The following LHFPL6 variants were observed in gnomAD, a reference collection of about 807,000 sequenced individuals.
LHFPL6 encodes the protein LHFPL tetraspan subfamily member 6 protein.
In LHFPL6, 9 loss-of-function variants were observed where a neutral mutation model predicts 20.6. The ratio of observed to expected loss-of-function variants is 0.44; its 90% CI spans 0.26 to 0.76. LHFPL6 has a LOEUF of 0.76. LHFPL6 is among the 30% of genes least tolerant of loss of function. The pLI is 0.20. For missense variants in LHFPL6, 218 were observed against 253.5 expected, an observed-to-expected ratio of 0.86 and a Z score of 0.95; for synonymous variants, 105 against 98.7, an observed-to-expected ratio of 1.06 and a Z score of -0.38.
intron 2 of LHFPL6, among the ~76,000 whole-genome samples, chr13:39,454,996 A>C (rs1163765837): frequency 3.3e-5 from 5 of 152,140 alleles, no homozygotes; most frequent in Non-Finnish European, 7.3e-5. Flanking sequence ...TCTGTCAATA[A>C]AAGTCAAGTG....
intron 2 of LHFPL6, among the ~76,000 whole-genome samples, chr13:39,562,667 T>TAC (rs1210574178): frequency 7.6e-6 from 1 of 131,512 alleles, no homozygotes. Context: ...TACACATATA[T>TAC]ACACACATAT....
chr13:39,583,470 C>A (rs1026957241), intron 2 of LHFPL6, among the ~76,000 whole-genome samples: 1 of 152,126 alleles, frequency 6.6e-6, no homozygotes, highest in Non-Finnish European at 1.5e-5. Flanking sequence ...CTACCACATA[C>A]GGCTGGGTGC....
chr13:39,434,708 A>C (rs990478637), intron 2 of LHFPL6, among the ~76,000 whole-genome samples: 4 of 152,082 alleles, frequency 2.6e-5, no homozygotes, highest in Non-Finnish European at 5.9e-5. Context: ...TGTAGACTTC[A>C]CCTCCACGCT....
intron 2 of LHFPL6, among the ~76,000 whole-genome samples, chr13:39,418,382 CTTT>C (rs71077297): frequency 1.5e-5 from 2 of 129,738 alleles, no homozygotes; most frequent in Non-Finnish European, 1.6e-5. Flanking sequence ...TTTTTTTGGT[CTTT>C]TTTTTTTTTT....
chr13:39,467,744 G>A (rs1872840831), intron 2 of LHFPL6, among the ~76,000 whole-genome samples: 1 of 152,176 alleles, frequency 6.6e-6, no homozygotes, highest in Non-Finnish European at 1.5e-5. Flanking sequence ...TCTGTTTAAT[G>A]CACAAAAAGA....
intron 2 of LHFPL6, among the ~76,000 whole-genome samples, chr13:39,549,144 G>T (rs1379201463): frequency 6.6e-6 from 1 of 152,004 alleles, no homozygotes; most frequent in African/African-American, 2.4e-5. Context: ...ATGGCAAACA[G>T]GCATATGAAA....
intron 2 of LHFPL6, among the ~76,000 whole-genome samples, chr13:39,448,057 A>G (rs1442743922): frequency 2.0e-5 from 3 of 152,216 alleles, no homozygotes; most frequent in African/African-American, 4.8e-5. Context: ...TCACACATTC[A>G]GAACTGTGGG....
intron 2 of LHFPL6, among the ~76,000 whole-genome samples, chr13:39,472,490 C>A (rs760308344): frequency 3.3e-5 from 5 of 152,172 alleles, no homozygotes; most frequent in Non-Finnish European, 5.9e-5. Context: ...TGATGAACAA[C>A]ATACAGCTTC....
chr13:39,545,560 T>A (rs1213011107), intron 2 of LHFPL6, among the ~76,000 whole-genome samples: 1 of 152,046 alleles, frequency 6.6e-6, no homozygotes, highest in Admixed American at 6.5e-5. Flanking sequence ...ATAATAGTAG[T>A]ACAGTCATCC....
chr13:39,400,355 A>G (rs1870953358), intron 2 of LHFPL6, among the ~76,000 whole-genome samples: 1 of 152,188 alleles, frequency 6.6e-6, no homozygotes, highest in African/African-American at 2.4e-5. Flanking sequence ...CCCATTTTCC[A>G]TGTTCAATAG....
chr13:39,352,876 T>TAA, intron 3 of LHFPL6, among the ~76,000 whole-genome samples: 1 of 56,164 alleles, frequency 1.8e-5, no homozygotes, highest in South Asian at 8.7e-4. Flanking sequence ...TATATATATA[T>TAA]ATAAATGTAT....
intron 2 of LHFPL6, among the ~76,000 whole-genome samples, chr13:39,522,007 C>T (rs1391166376): frequency 6.6e-6 from 1 of 152,160 alleles, no homozygotes; most frequent in Non-Finnish European, 1.5e-5. Flanking sequence ...TCACTACAAC[C>T]CTTGCCTCAC....
At chr13:39,441,272 C>T (rs564847268) in intron 2 of LHFPL6, among the ~76,000 whole-genome samples, 66 of 150,912 alleles carry the variant, frequency 4.4e-4, no homozygotes, top group African/African-American at 1.3e-3. Context: ...AGGTGTGAGC[C>T]GCTGCACCTG....
intron 2 of LHFPL6, among the ~76,000 whole-genome samples, chr13:39,596,189 T>C (rs546151043): frequency 6.6e-6 from 1 of 152,270 alleles, no homozygotes; most frequent in East Asian, 1.9e-4. Flanking sequence ...AGACAATTTG[T>C]TGTGACAAGA....
chr13:39,425,304 T>A (rs1285789653), intron 2 of LHFPL6, among the ~76,000 whole-genome samples: 5 of 152,256 alleles, frequency 3.3e-5, no homozygotes, highest in Non-Finnish European at 2.9e-5. Flanking sequence ...AATTTGCTTA[T>A]CCATTCACCT....
At chr13:39,425,356 A>C (rs963643656) in intron 2 of LHFPL6, among the ~76,000 whole-genome samples, 4 of 152,196 alleles carry the variant, frequency 2.6e-5, no homozygotes, top group African/African-American at 9.7e-5. Context: ...GACTATTGCA[A>C]ACAAAGCTGC....
chr13:39,567,248 A>G (rs899568433), intron 2 of LHFPL6, among the ~76,000 whole-genome samples: 1 of 152,206 alleles, frequency 6.6e-6, no homozygotes, highest in Non-Finnish European at 1.5e-5. Context: ...CATTTTCAAA[A>G]TTTCTTATAA....
At chr13:39,495,250 G>T (rs1291632019) in intron 2 of LHFPL6, among the ~76,000 whole-genome samples, 1 of 152,282 alleles carries the variant, frequency 6.6e-6, no homozygotes, top group East Asian at 1.9e-4. Flanking sequence ...TCAAATTAAT[G>T]AATCTATTCA....
chr13:39,533,892 G>A (rs2138497363), intron 2 of LHFPL6, among the ~76,000 whole-genome samples: 1 of 152,234 alleles, frequency 6.6e-6, no homozygotes, highest in East Asian at 1.9e-4. Context: ...GTGGGTGGGG[G>A]GTGACAGTCA....
Sources: gnomAD v4.1 joint callset for allele counts (sites outside exome capture counted in the v4.1 genomes callset) on GRCh38, gnomAD v4.1.1 for gene constraint, MANE v1.5 for transcripts, NCBI Gene and HGNC (gene_info 2026-07-23, HGNC 2026-07-21) for gene names.